The following PDCD1LG2 variants were observed in gnomAD, a reference collection of about 807,000 sequenced individuals.
PDCD1LG2 encodes the protein programmed cell death 1 ligand 2.
In PDCD1LG2, 32 loss-of-function variants were observed where a neutral mutation model predicts 28.2. The ratio of observed to expected loss-of-function variants is 1.13; its 90% CI spans 0.86 to 1.52. The LOEUF (loss-of-function observed/expected upper bound fraction) is 1.52, where lower values mean the gene tolerates loss of function less well. Ranked by LOEUF, PDCD1LG2 falls within the 40% of genes most tolerant of loss-of-function variation. The probability of loss-of-function intolerance (pLI) is 0.00; values close to 1 mark genes in which losing one functional copy is unlikely to be tolerated. For missense variants in PDCD1LG2, 385 were observed against 323.8 expected, an observed-to-expected ratio of 1.19 and a Z score of -1.45; for synonymous variants, 116 against 120.2, an observed-to-expected ratio of 0.97 and a Z score of 0.23.
At chr9:5,523,346 G>A (rs2129731099) in intron 2 of PDCD1LG2, among the ~76,000 whole-genome samples, 1 of 152,182 alleles carries the variant, frequency 6.6e-6, no homozygotes, top group East Asian at 1.9e-4. Context: ...GTGGACAGAG[G>A]ATTAAGTCCT....
intron 1 of PDCD1LG2, among the ~76,000 whole-genome samples, chr9:5,516,927 G>A (rs1820177363): frequency 6.6e-6 from 1 of 152,134 alleles, no homozygotes; most frequent in Admixed American, 6.5e-5. Flanking sequence ...GCCACTGCTG[G>A]GCAGCTACAG....
Position 5,570,001 on chromosome 9 carries a change from AAAG to A in PDCD1LG2, c.*46_*48del, listed in dbSNP as rs1359202845. ...GCCAGGGTGACCTGATATGACATCT[AAAG>A]AAGCTTCTGGACTCTGAACAAGAAT... On this transcript the variant is annotated 3_prime_UTR_variant, in exon 7 of 7. Coordinates refer to ENST00000397747, the MANE Select transcript of PDCD1LG2 (RefSeq NM_025239.4). 1 of 1,613,626 alleles carries A rather than the reference AAAG, an allele frequency of 6.2e-7. No homozygotes were observed. Among genetic ancestry groups the A allele is most frequent in the African/African-American group, 1.3e-5 (1 of 75,022 alleles).
chr9:5,567,222 G>C (rs1816683513), intron 6 of PDCD1LG2, among the ~76,000 whole-genome samples: 1 of 152,172 alleles, frequency 6.6e-6, no homozygotes, highest in Non-Finnish European at 1.5e-5. Flanking sequence ...CAATGTCTTA[G>C]TTGCCTTTCA....
chr9:5,513,732 A>G (rs758367360), intron 1 of PDCD1LG2, among the ~76,000 whole-genome samples: 109 of 152,230 alleles, frequency 7.2e-4, no homozygotes, highest in Non-Finnish European at 1.3e-3. Context: ...TCATATACCT[A>G]TGACAGCAGA....
chr9:5,562,251 C>T (rs372591173), intron 5 of PDCD1LG2, among the ~76,000 whole-genome samples: 27 of 152,096 alleles, frequency 1.8e-4, no homozygotes, highest in East Asian at 1.7e-3. Context: ...ATCCCATTGA[C>T]GAATAAGTGG....
intron 4 of PDCD1LG2, among the ~76,000 whole-genome samples, chr9:5,555,007 TA>T (rs56809272): frequency 0.17 from 25,187 of 151,456 alleles, 2,706 homozygotes; most frequent in African/African-American, 0.3. Context: ...GTGCAAACAG[TA>T]AAAAAAAATG....
chr9:5,552,080 A>C (rs1274484401), intron 4 of PDCD1LG2, among the ~76,000 whole-genome samples: 1 of 152,186 alleles, frequency 6.6e-6, no homozygotes, highest in Non-Finnish European at 1.5e-5. Flanking sequence ...AAGAGATCTG[A>C]GCTTTTGATC....
chr9:5,517,338 G>C (rs1379487556), intron 1 of PDCD1LG2, among the ~76,000 whole-genome samples: 1 of 152,232 alleles, frequency 6.6e-6, no homozygotes, highest in Non-Finnish European at 1.5e-5. Context: ...CCTGGAAGCA[G>C]GCTTAAGGCC....
rs578227999 is a variant in PDCD1LG2, at chr9:5,554,420, G to T, written c.632-3198G>T. Among the ~76,000 whole-genome samples the T allele has an allele frequency of 5.3e-5, 8 of 152,256 alleles. No homozygotes were observed. In the South Asian group the frequency reaches 1.7e-3, roughly 32 times the overall value. Reference sequence around the variant, plus strand: ...GAGTTCCTGGCTTCTATTTCTCAAGGGCATTTTTAAGTTGTCTTATGACTG... The same window carrying T: ...GAGTTCCTGGCTTCTATTTCTCAAGTGCATTTTTAAGTTGTCTTATGACTG... On this transcript the variant is annotated intron_variant, in intron 4 of 6. Coordinates refer to ENST00000397747, the MANE Select transcript of PDCD1LG2 (RefSeq NM_025239.4).
intron 1 of PDCD1LG2, among the ~76,000 whole-genome samples, chr9:5,513,261 T>C (rs1297155963): frequency 6.6e-6 from 1 of 152,258 alleles, no homozygotes; most frequent in East Asian, 1.9e-4. Context: ...TTTGCACCTC[T>C]GAGACTGCTT....
intron 2 of PDCD1LG2, 47 bp downstream of exon 2, chr9:5,522,648 G>T (rs757649838): frequency 1.9e-6 from 3 of 1,588,110 alleles, no homozygotes; most frequent in Non-Finnish European, 1.7e-6. Context: ...AGCAGGTGGT[G>T]GTTCCTAGCC....
intron 3 of PDCD1LG2, among the ~76,000 whole-genome samples, chr9:5,548,691 G>C (rs2129869323): frequency 6.6e-6 from 1 of 152,300 alleles, no homozygotes; most frequent in South Asian, 2.1e-4. Flanking sequence ...AACTGTGTGT[G>C]TTTGTGTGTA....
intron 1 of PDCD1LG2, among the ~76,000 whole-genome samples, chr9:5,511,863 C>G (rs1820065588): frequency 6.6e-6 from 1 of 152,180 alleles, no homozygotes; most frequent in South Asian, 2.1e-4. Flanking sequence ...ACTGGAGCTC[C>G]TCACAGGCAA....
intron 3 of PDCD1LG2, among the ~76,000 whole-genome samples, chr9:5,535,300 T>G (rs371777726): frequency 3.3e-4 from 50 of 152,098 alleles, no homozygotes; most frequent in African/African-American, 1.2e-3. Flanking sequence ...GCCAGGAAAA[T>G]TAGTCCCTGA....
intron 1 of PDCD1LG2, among the ~76,000 whole-genome samples, chr9:5,521,821 A>T (rs1044781279): frequency 1.3e-5 from 2 of 152,178 alleles, no homozygotes; most frequent in Admixed American, 6.5e-5. Context: ...GACCATTATC[A>T]GATTAGCTGT....
At chr9:5,568,298 G>A (rs923084027) in intron 6 of PDCD1LG2, among the ~76,000 whole-genome samples, 6 of 152,204 alleles carry the variant, frequency 3.9e-5, no homozygotes, top group African/African-American at 1.2e-4. Context: ...CACACAGCAG[G>A]AGGTGAGCGG....
intron 3 of PDCD1LG2, among the ~76,000 whole-genome samples, chr9:5,535,361 T>C (rs1027405282): frequency 1.3e-5 from 2 of 152,212 alleles, no homozygotes; most frequent in South Asian, 4.1e-4. Flanking sequence ...AATTCTCCCA[T>C]GGAACATCCC....
At chr9:5,517,897 T>C (rs768289043) in intron 1 of PDCD1LG2, among the ~76,000 whole-genome samples, 1 of 152,134 alleles carries the variant, frequency 6.6e-6, no homozygotes, top group Non-Finnish European at 1.5e-5. Context: ...AAGGCAAGAC[T>C]AGAAGGTAAA....
intron 5 of PDCD1LG2, among the ~76,000 whole-genome samples, 175 bp downstream of exon 5, chr9:5,557,927 G>T (rs150765269): frequency 1.3e-5 from 2 of 152,196 alleles, no homozygotes; most frequent in African/African-American, 4.8e-5. Flanking sequence ...GGCTCTCATC[G>T]TCAGTGAGCT....
Sources: allele counts gnomAD v4.1 joint callset (sites outside exome capture counted in the v4.1 genomes callset), GRCh38; gene constraint gnomAD v4.1.1; transcripts MANE v1.5; gene names NCBI Gene and HGNC (gene_info 2026-07-23, HGNC 2026-07-21).